Variants in BAIAP2 observed in about 807,000 individuals in gnomAD.
BAIAP2 encodes BAR/IMD domain-containing adapter protein 2.
In BAIAP2, 18 loss-of-function variants were observed where a neutral mutation model predicts 63.0. That is an observed-to-expected ratio of 0.29 (90% CI 0.20 to 0.42). The LOEUF is 0.42. BAIAP2 is among the 10% of genes least tolerant of loss of function. The pLI, the probability that BAIAP2 is intolerant of heterozygous loss-of-function variation, is 1.00. For missense variants in BAIAP2, 610 were observed against 734.3 expected (o/e 0.83, Z 1.96); for synonymous variants, 386 against 307.6 (o/e 1.25, Z -2.67).
chr17:81,051,267 G>T (rs1181610838), intron 1 of BAIAP2, among the ~76,000 whole-genome samples: 1 of 152,188 alleles, frequency 6.6e-6, no homozygotes, highest in Admixed American at 6.5e-5. Flanking sequence ...GGCCTGCGTA[G>T]CACATGCCTC....
intron 6 of BAIAP2, among the ~76,000 whole-genome samples, chr17:81,091,441 G>T: frequency 6.6e-6 from 1 of 152,096 alleles, no homozygotes; most frequent in Non-Finnish European, 1.5e-5. Context: ...GGCAGCCCGG[G>T]GGTGTCTACG....
At chr17:81,095,757 C>T (rs1332801206) in intron 6 of BAIAP2, among the ~76,000 whole-genome samples, 5 of 152,142 alleles carry the variant, frequency 3.3e-5, no homozygotes, top group African/African-American at 7.2e-5. Flanking sequence ...TTCTGTCTCT[C>T]CCCCGACTTC....
At position 81,106,846 on chromosome 17, in the gene BAIAP2, C is replaced by G. The variant is rs758173810; in HGVS notation, c.1439C>G (p.Ala480Gly). ...DYGAASRAFP[A>G]QTASGFKQRP... is the part of the protein sequence containing the mutation. Reference sequence around the variant, plus strand: ...GGCGCCGCCTCCCGGGCCTTCCCCGCCCAGACGGCCAGCGGCTTCAAGCAG... The same window carrying G: ...GGCGCCGCCTCCCGGGCCTTCCCCGGCCAGACGGCCAGCGGCTTCAAGCAG... The change falls in exon 12 of 14, where the codon GCC (alanine) becomes GGC (glycine). Residue 480 changes from alanine to glycine, a missense_variant. Ala to Gly is a moderately conservative substitution (Grantham distance 60). This residue lies in a region of BAIAP2 where 114 missense variants were observed against 98.2 expected (regional missense o/e 1.16). Coordinates refer to ENST00000428708, the MANE Select transcript of BAIAP2 (RefSeq NM_001144888.2). The G allele has an allele frequency of 6.2e-7, 1 of 1,609,428 alleles. No homozygotes were observed. The highest frequency in any genetic ancestry group is 8.5e-7 in the Non-Finnish European group (1 of 1,178,234).
chr17:81,104,769 T>TG, intron 10 of BAIAP2, 54 bp downstream of exon 10: 1 of 1,498,736 alleles, frequency 6.7e-7, no homozygotes, highest in Non-Finnish European at 9.0e-7. Flanking sequence ...AGCAAGTGTG[T>TG]GGGGCAGCGA....
intron 1 of BAIAP2, among the ~76,000 whole-genome samples, chr17:81,045,695 C>T (rs1447565576): frequency 6.6e-6 from 1 of 152,186 alleles, no homozygotes; most frequent in Non-Finnish European, 1.5e-5. Flanking sequence ...CATGGCCAGG[C>T]TGCCCAGGGC....
chr17:81,079,331 C>T (rs1031770389), intron 3 of BAIAP2, among the ~76,000 whole-genome samples: 1 of 152,202 alleles, frequency 6.6e-6, no homozygotes, highest in Non-Finnish European at 1.5e-5. Context: ...CTGGCGACCG[C>T]CCCGTCTGAG....
intron 3 of BAIAP2, among the ~76,000 whole-genome samples, chr17:81,072,931 G>T (rs1355624368): frequency 6.6e-6 from 1 of 151,940 alleles, no homozygotes; most frequent in African/African-American, 2.4e-5. Context: ...TTTAATCCCG[G>T]GTGCCGGGTA....
At chr17:81,088,436 T>C (rs1305801091) in intron 6 of BAIAP2, among the ~76,000 whole-genome samples, 1 of 152,250 alleles carries the variant, frequency 6.6e-6, no homozygotes. Context: ...ACGGGCACAG[T>C]CCAGTGGTTA....
chr17:81,101,745 C>T (rs552338135), intron 7 of BAIAP2, among the ~76,000 whole-genome samples: 67 of 152,374 alleles, frequency 4.4e-4, no homozygotes, highest in South Asian at 1.0e-3. Flanking sequence ...CTCCTGCCGG[C>T]CTGGGCCTGC....
chr17:81,037,078 C>T, intron 1 of BAIAP2: 1 of 864,930 alleles, frequency 1.2e-6, no homozygotes, highest in Non-Finnish European at 1.8e-6. Context: ...ATCTGCAGGT[C>T]TAAGTGAAAT....
chr17:81,061,550 C>T (rs546824059), intron 3 of BAIAP2, among the ~76,000 whole-genome samples: 8 of 152,300 alleles, frequency 5.3e-5, no homozygotes, highest in African/African-American at 1.9e-4. Flanking sequence ...TGTCCAGCTT[C>T]CTCGGGTGTG....
At chr17:81,108,905 C>G (rs2059517274) in intron 13 of BAIAP2, 5 of 1,526,722 alleles carry the variant, frequency 3.3e-6, no homozygotes, top group Non-Finnish European at 4.4e-6. Context: ...TGCTGGCGGA[C>G]TCGCCGCCTG....
intron 1 of BAIAP2, among the ~76,000 whole-genome samples, chr17:81,048,623 C>G (rs1404521043): frequency 6.6e-6 from 1 of 152,172 alleles, no homozygotes; most frequent in African/African-American, 2.4e-5. Flanking sequence ...TGTCCAGCAG[C>G]TCGCCAGCCA....
chr17:81,085,825 C>T (rs1275589443), intron 5 of BAIAP2, 100 bp downstream of exon 5: 2 of 889,000 alleles, frequency 2.2e-6, no homozygotes, highest in African/African-American at 1.7e-5. Flanking sequence ...TCCCACTTCC[C>T]CGAGCTCCCC....
chr17:81,041,012 G>T (rs550856986), intron 1 of BAIAP2, among the ~76,000 whole-genome samples: 4 of 152,218 alleles, frequency 2.6e-5, no homozygotes, highest in African/African-American at 7.2e-5. Context: ...TGCCTCTGGC[G>T]GGGGCCCGTT....
At chr17:81,049,526 A>C (rs1341285115) in intron 1 of BAIAP2, among the ~76,000 whole-genome samples, 1 of 152,052 alleles carries the variant, frequency 6.6e-6, no homozygotes, top group Admixed American at 6.5e-5. Context: ...AAGCCCACAG[A>C]CTTTCCCGAT....
chr17:81,099,691 C>T (rs1411606539), intron 6 of BAIAP2, among the ~76,000 whole-genome samples: 2 of 152,130 alleles, frequency 1.3e-5, no homozygotes, highest in Non-Finnish European at 2.9e-5. Flanking sequence ...AGAGTGGTCC[C>T]GGGGCAGGGA....
chr17:81,113,231 T>A (rs2060117023), intron 13 of BAIAP2, among the ~76,000 whole-genome samples: 1 of 152,112 alleles, frequency 6.6e-6, no homozygotes, highest in African/African-American at 2.4e-5. Flanking sequence ...CTCCTCAGGG[T>A]CCTCCGCTCT....
At chr17:81,038,313 T>C (rs944630577) in intron 1 of BAIAP2, among the ~76,000 whole-genome samples, 2 of 152,126 alleles carry the variant, frequency 1.3e-5, no homozygotes, top group Admixed American at 6.5e-5. Flanking sequence ...GCCAGGAGAA[T>C]GTCAGGTGGG....
Sources: gnomAD v4.1 joint callset for allele counts (sites outside exome capture counted in the v4.1 genomes callset) on GRCh38, gnomAD v4.1.1 for gene constraint, gnomAD v4.1.1 regional missense constraint, MANE v1.5 for transcripts, NCBI Gene and HGNC (gene_info 2026-07-23, HGNC 2026-07-21) for gene names.